Variants in PPP3CC observed in about 807,000 individuals in gnomAD.
PPP3CC encodes the protein protein phosphatase 3 catalytic subunit gamma.
PPP3CC carries 35 observed loss-of-function variants against 60.3 expected under a neutral mutation model. That is an observed-to-expected ratio of 0.58 (90% CI 0.44 to 0.77). The LOEUF (loss-of-function observed/expected upper bound fraction) is 0.77. Ranked by LOEUF, PPP3CC falls within the 30% of genes least tolerant of loss-of-function variation. The pLI is 0.00. For synonymous variants in PPP3CC, 206 were observed against 224.3 expected (o/e 0.92, Z 0.73); for missense variants, 570 against 628.9 (o/e 0.91, Z 1.00).
At chr8:22,459,162 G>T (rs1213150036) in intron 1 of PPP3CC, among the ~76,000 whole-genome samples, 1 of 151,650 alleles carries the variant, frequency 6.6e-6, no homozygotes, top group Non-Finnish European at 1.5e-5. Context: ...GAACTCCTGG[G>T]CCCAAGTGAT....
chr8:22,441,421 G>A lies in PPP3CC; in HGVS notation c.12G>A (p.Arg4=). 1 of 1,546,362 alleles carries A rather than the reference G, an allele frequency of 6.5e-7. No homozygotes were observed. The highest frequency in any genetic ancestry group is 1.2e-5 in the South Asian group (1 of 82,896). ...AGGCCGAGGGGACCATGTCCGGGAG[G>A]CGCTTCCACCTCTCCACCACCGACC... MSG[R]RFHLSTTDRV... is the part of the protein sequence containing the mutation. The change falls in exon 1 of 14, where the codon AGG becomes AGA. Residue 4 remains arginine, a synonymous_variant. Transcript: ENST00000240139.
At chr8:22,516,685 A>G (rs1839253613) in intron 6 of PPP3CC, among the ~76,000 whole-genome samples, 1 of 152,178 alleles carries the variant, frequency 6.6e-6, no homozygotes, top group Non-Finnish European at 1.5e-5. Flanking sequence ...TGCAGCCCTC[A>G]TGTTGTAAAC....
chr8:22,452,022 T>TG (rs1837046388), intron 1 of PPP3CC, among the ~76,000 whole-genome samples: 1 of 151,130 alleles, frequency 6.6e-6, no homozygotes, highest in Non-Finnish European at 1.5e-5. Flanking sequence ...CATAATGGTT[T>TG]TTTTTTTTTT....
chr8:22,446,486 C>T (rs548704215), intron 1 of PPP3CC, among the ~76,000 whole-genome samples: 1 of 152,112 alleles, frequency 6.6e-6, no homozygotes, highest in Non-Finnish European at 1.5e-5. Flanking sequence ...GTATTTGATA[C>T]TAGGAATTGA....
At chr8:22,499,816 C>G (rs1838710531) in intron 4 of PPP3CC, among the ~76,000 whole-genome samples, 1 of 152,194 alleles carries the variant, frequency 6.6e-6, no homozygotes, top group Admixed American at 6.5e-5. Context: ...AGTTGCTTTT[C>G]TAAATCATAA....
chr8:22,462,057 A>G (rs187770669), intron 1 of PPP3CC, among the ~76,000 whole-genome samples: 3 of 152,264 alleles, frequency 2.0e-5, no homozygotes, highest in East Asian at 1.9e-4. Flanking sequence ...TAACTTAGTG[A>G]GACCTCAGTC....
chr8:22,483,487 A>G (rs144781685), intron 3 of PPP3CC, among the ~76,000 whole-genome samples: 77 of 152,192 alleles, frequency 5.1e-4, no homozygotes, highest in African/African-American at 1.8e-3. Flanking sequence ...TGTGTTTCAC[A>G]GTGTTAGCCA....
intron 5 of PPP3CC, among the ~76,000 whole-genome samples, chr8:22,512,733 GTAAGAGGGTCTTTTACTACAGTA>G (rs1434616152): frequency 3.3e-5 from 5 of 152,186 alleles, no homozygotes; most frequent in Non-Finnish European, 5.9e-5. Context: ...CGATTAGGAT[GTAAGAGGGTCTTTTACTACAGTA>G]TGGTTAGATG....
chr8:22,485,466 C>A (rs1399776000), intron 3 of PPP3CC, among the ~76,000 whole-genome samples: 1 of 152,152 alleles, frequency 6.6e-6, no homozygotes, highest in Non-Finnish European at 1.5e-5. Context: ...ACCATCCCAT[C>A]CAAATCCCAG....
At chr8:22,518,118 A>G (rs1409393614) in intron 6 of PPP3CC, among the ~76,000 whole-genome samples, 1 of 150,974 alleles carries the variant, frequency 6.6e-6, no homozygotes, top group Non-Finnish European at 1.5e-5. Flanking sequence ...GGCTCAATGC[A>G]GTGGCACAAT....
At chr8:22,521,403 G>T (rs1434988359) in intron 6 of PPP3CC, among the ~76,000 whole-genome samples, 1 of 152,158 alleles carries the variant, frequency 6.6e-6, no homozygotes, top group Admixed American at 6.5e-5. Flanking sequence ...AGACAAGTGG[G>T]ACTGGAGCCG....
At chr8:22,473,609 G>A (rs1188005255) in intron 1 of PPP3CC, among the ~76,000 whole-genome samples, 1 of 151,594 alleles carries the variant, frequency 6.6e-6, no homozygotes, top group African/African-American at 2.4e-5. Context: ...GATTACAGGT[G>A]TGTGCCATCA....
chr8:22,521,220 C>G (rs1206229252), intron 6 of PPP3CC, among the ~76,000 whole-genome samples: 1 of 152,186 alleles, frequency 6.6e-6, no homozygotes, highest in African/African-American at 2.4e-5. Flanking sequence ...GGCATGATTT[C>G]CACAAGGCCC....
chr8:22,528,515 TG>T lies in PPP3CC; in HGVS notation c.1080del (p.Met360IlefsTer3). 1.3e-6 allele frequency: 2 copies of T among 1,539,446 alleles called. No homozygotes were observed. Among genetic ancestry groups the T allele is most frequent in the Non-Finnish European group, 1.8e-6 (2 of 1,136,780 alleles). ...ATTTTGTCTTACTTAGTCACAGAGA[TG>T]CTGGTAAATGTGCTCAACATATGCT... ...LPFVGEKVTE[M>X]LVNVLNICSD... On this transcript the variant is annotated frameshift_variant, in exon 10 of 14. Coordinates refer to ENST00000240139, the MANE Select transcript of PPP3CC (RefSeq NM_005605.5). LOFTEE classifies it high-confidence loss of function.
intron 3 of PPP3CC, among the ~76,000 whole-genome samples, chr8:22,497,248 C>T (rs1002416696): frequency 1.6e-4 from 24 of 152,136 alleles, no homozygotes; most frequent in Admixed American, 8.5e-4. Flanking sequence ...AGGGTAGTCT[C>T]GAACTCCCGA....
At position 22,506,834 on chromosome 8, in the gene PPP3CC, C is replaced by T. The variant is rs539423724; in HGVS notation, c.485-4252C>T. Reference sequence around the variant, plus strand: ...GTGGGTGCCTGTAGTCCCAGCTACTCGGGAGGCTGAGGCTGGAGGATGGTG... The same window carrying T: ...GTGGGTGCCTGTAGTCCCAGCTACTTGGGAGGCTGAGGCTGGAGGATGGTG... On this transcript the variant is annotated intron_variant, in intron 4 of 13. Coordinates refer to ENST00000240139, the MANE Select transcript of PPP3CC (RefSeq NM_005605.5). 2.1e-4 allele frequency among the ~76,000 whole-genome samples: 32 copies of T among 151,926 alleles called. 2 individuals carry two copies. The highest frequency in any genetic ancestry group is 7.2e-4 in the African/African-American group (30 of 41,400).
intron 3 of PPP3CC, among the ~76,000 whole-genome samples, chr8:22,484,291 C>G (rs1034578448): frequency 1.3e-5 from 2 of 152,042 alleles, no homozygotes; most frequent in African/African-American, 2.4e-5. Flanking sequence ...TTAGGGATTT[C>G]TGGCTGACTA....
chr8:22,455,055 C>CAAAA (rs5890035), intron 1 of PPP3CC, among the ~76,000 whole-genome samples: 70 of 90,734 alleles, frequency 7.7e-4, no homozygotes, highest in Non-Finnish European at 1.0e-3. Context: ...GACTCCATCT[C>CAAAA]AAAAAAAAAA....
chr8:22,481,048 C>A (rs1353862609), intron 3 of PPP3CC, among the ~76,000 whole-genome samples: 2 of 152,110 alleles, frequency 1.3e-5, no homozygotes, highest in Non-Finnish European at 2.9e-5. Flanking sequence ...AAATAATGGT[C>A]ATTTGGCTGT....
Sources: allele counts gnomAD v4.1 joint callset (sites outside exome capture counted in the v4.1 genomes callset), GRCh38; gene constraint gnomAD v4.1.1; transcripts MANE v1.5; gene names NCBI Gene and HGNC (gene_info 2026-07-23, HGNC 2026-07-21).